The following TENM1 variants were observed in gnomAD, a reference collection of about 807,000 sequenced individuals.
TENM1 encodes the protein teneurin-1.
TENM1 carries 35 observed loss-of-function variants against 174.8 expected under a neutral mutation model. That is an observed-to-expected ratio of 0.20 (90% CI 0.15 to 0.27). The LOEUF is 0.27. TENM1 is among the 10% of genes least tolerant of loss of function. TENM1 has a pLI of 1.00. For synonymous variants in TENM1, 781 were observed against 798.7 expected (o/e 0.98, Z 0.37); for missense variants, 1,633 against 2,130.1 (o/e 0.77, Z 4.59).
At chrX:124,930,662 A>G (rs1013290708) in intron 1 of TENM1, among the ~76,000 whole-genome samples, 3 of 111,981 alleles carry the variant, frequency 2.7e-5, no homozygotes, top group Non-Finnish European at 5.6e-5. Flanking sequence ...CCATGGGACC[A>G]CTGTAAGGGT....
chrX:125,190,900 T>C, the TENM1 span, among the ~76,000 whole-genome samples: 1 of 111,654 alleles, frequency 9.0e-6, no homozygotes, highest in Non-Finnish European at 1.9e-5. Context: ...CAAGTCTTTT[T>C]TCTTTCTTAC....
intron 3 of TENM1, among the ~76,000 whole-genome samples, chrX:124,857,529 C>T (rs1569466189): frequency 1.8e-5 from 2 of 111,265 alleles, no homozygotes; most frequent in African/African-American, 6.5e-5. Flanking sequence ...ATGACATCTC[C>T]AGAATAGGAA....
chrX:124,834,065 T>C (rs2056343868), intron 3 of TENM1, among the ~76,000 whole-genome samples: 1 of 111,573 alleles, frequency 9.0e-6, no homozygotes, highest in African/African-American at 3.3e-5. Context: ...CCTGGGGCAA[T>C]TGTTGTCATT....
intron 11 of TENM1, among the ~76,000 whole-genome samples, chrX:124,574,463 T>G (rs2049122043): frequency 9.0e-6 from 1 of 111,468 alleles, no homozygotes; most frequent in Non-Finnish European, 1.9e-5. Context: ...TATGGCATTC[T>G]AAACAAGGAA....
At chrX:124,449,264 A>T (rs1323299011) in intron 23 of TENM1, among the ~76,000 whole-genome samples, 1 of 111,981 alleles carries the variant, frequency 8.9e-6, no homozygotes, top group Non-Finnish European at 1.9e-5. Context: ...AGAGAAACTG[A>T]GGCTTGGAAT....
At chrX:124,483,069 C>T (rs2046879182) in intron 21 of TENM1, among the ~76,000 whole-genome samples, 1 of 112,064 alleles carries the variant, frequency 8.9e-6, no homozygotes, top group Admixed American at 9.4e-5. Flanking sequence ...TTTTTGAAAT[C>T]TTAAATCATT....
At chrX:124,694,848 C>T (rs1282945319) in intron 5 of TENM1, among the ~76,000 whole-genome samples, 1 of 111,853 alleles carries the variant, frequency 8.9e-6, no homozygotes, top group Non-Finnish European at 1.9e-5. Context: ...TGTTTTCCTG[C>T]CCTTCACATA....
At chrX:125,062,891 G>A in the TENM1 span, among the ~76,000 whole-genome samples, 1 of 112,142 alleles carries the variant, frequency 8.9e-6, no homozygotes, top group Admixed American at 9.5e-5. Flanking sequence ...GGGTAGATGT[G>A]CTTCACATTC....
At chrX:124,437,786 G>A (rs940025607) in intron 23 of TENM1, among the ~76,000 whole-genome samples, 4 of 111,664 alleles carry the variant, frequency 3.6e-5, no homozygotes, top group African/African-American at 6.5e-5. Context: ...TTTGAGATGC[G>A]CCAAATGAAC....
chrX:124,655,923 T>A (rs891840069), intron 6 of TENM1, among the ~76,000 whole-genome samples: 2 of 112,060 alleles, frequency 1.8e-5, no homozygotes, highest in African/African-American at 6.5e-5. Context: ...ATTTAACTCT[T>A]AAGTCCTAGA....
intron 25 of TENM1, among the ~76,000 whole-genome samples, chrX:124,416,447 CTA>C (rs1179687723): frequency 2.1e-4 from 24 of 112,128 alleles, no homozygotes; most frequent in African/African-American, 7.5e-4. Flanking sequence ...TGGCTGAACA[CTA>C]TTTCATGACA....
intron 27 of TENM1, among the ~76,000 whole-genome samples, chrX:124,400,139 A>G (rs1178340676): frequency 2.7e-5 from 3 of 111,886 alleles, no homozygotes; most frequent in Non-Finnish European, 3.8e-5. Flanking sequence ...TATATTTTTA[A>G]ATAGATTAAT....
At chrX:124,654,598 A>C (rs1221800173) in intron 6 of TENM1, among the ~76,000 whole-genome samples, 1 of 111,682 alleles carries the variant, frequency 9.0e-6, no homozygotes, top group Non-Finnish European at 1.9e-5. Flanking sequence ...AGAGGAAAGA[A>C]ACTGTAAAGC....
chrX:124,476,981 T>C (rs1262020492), intron 22 of TENM1, among the ~76,000 whole-genome samples: 1 of 112,485 alleles, frequency 8.9e-6, no homozygotes, highest in Non-Finnish European at 1.9e-5. Context: ...ATGGCAAATG[T>C]TTCTCTTTGT....
intron 23 of TENM1, among the ~76,000 whole-genome samples, chrX:124,437,652 A>G (rs2060858261): frequency 8.9e-6 from 1 of 111,844 alleles, no homozygotes; most frequent in Non-Finnish European, 1.9e-5. Flanking sequence ...TCAATTGTTA[A>G]CAGTAATACA....
At chrX:125,053,309 G>A in the TENM1 span, among the ~76,000 whole-genome samples, 1 of 111,348 alleles carries the variant, frequency 9.0e-6, no homozygotes, top group Non-Finnish European at 1.9e-5. Flanking sequence ...TTTTCTAGGT[G>A]TATTTGAATC....
At chrX:125,156,061 TTAG>T in the TENM1 span, among the ~76,000 whole-genome samples, 1 of 112,127 alleles carries the variant, frequency 8.9e-6, no homozygotes, top group African/African-American at 3.2e-5. Flanking sequence ...AAGTAGGAAA[TTAG>T]TAGTTTTATG....
chrX:124,398,405 TCA>T (rs1292132778), intron 27 of TENM1, among the ~76,000 whole-genome samples: 5 of 110,614 alleles, frequency 4.5e-5, no homozygotes, highest in Non-Finnish European at 9.5e-5. Flanking sequence ...TACTTTTATT[TCA>T]CAGAGATGCC....
chrX:125,001,856 C>T, the TENM1 span, among the ~76,000 whole-genome samples: 53 of 76,118 alleles, frequency 7.0e-4, no homozygotes, highest in South Asian at 2.7e-3. Flanking sequence ...GATAGATACA[C>T]ACACACACAC....
Sources: gnomAD v4.1 joint callset for allele counts (sites outside exome capture counted in the v4.1 genomes callset) on GRCh38, gnomAD v4.1.1 for gene constraint, MANE v1.5 for transcripts, NCBI Gene and HGNC (gene_info 2026-07-23, HGNC 2026-07-21) for gene names.